ENPP6: variants seen among roughly 807,000 people sequenced by gnomAD.
ENPP6 encodes the protein glycerophosphocholine cholinephosphodiesterase ENPP6.
Under a neutral mutation model 42.0 loss-of-function variants are expected in ENPP6, and 32 were observed. The ratio of observed to expected loss-of-function variants is 0.76; its 90% CI spans 0.58 to 1.02. The LOEUF (loss-of-function observed/expected upper bound fraction) is 1.02, where lower values mean the gene tolerates loss of function less well. ENPP6 is among the 50% of genes least tolerant of loss of function. The pLI is 0.00. For missense variants in ENPP6, 552 were observed against 566.8 expected, an observed-to-expected ratio of 0.97 and a Z score of 0.27; for synonymous variants, 213 against 216.0, an observed-to-expected ratio of 0.99 and a Z score of 0.12.
chr4:184,125,684 T>A (rs543954117), intron 2 of ENPP6, among the ~76,000 whole-genome samples: 1 of 152,218 alleles, frequency 6.6e-6, no homozygotes, highest in African/African-American at 2.4e-5. Flanking sequence ...GCTTGATATG[T>A]TGGATTCAGG....
At chr4:184,117,218 T>C (rs1413890696) in intron 4 of ENPP6, among the ~76,000 whole-genome samples, 183 bp from the exon 5 acceptor site, 3 of 152,222 alleles carry the variant, frequency 2.0e-5, no homozygotes, top group Non-Finnish European at 4.4e-5. Flanking sequence ...CGGAGGGGAC[T>C]GTGAGGCTCA....
chr4:184,118,221 A>C (rs1185783635), intron 3 of ENPP6, among the ~76,000 whole-genome samples: 3 of 152,174 alleles, frequency 2.0e-5, no homozygotes, highest in Non-Finnish European at 4.4e-5. Flanking sequence ...CACATTTAGC[A>C]TTTCAGATGT....
chr4:184,092,875 T>C (rs1250316882), intron 7 of ENPP6, among the ~76,000 whole-genome samples: 1 of 152,192 alleles, frequency 6.6e-6, no homozygotes, highest in Admixed American at 6.5e-5. Flanking sequence ...CCTAAATACT[T>C]TAGTTAAAAA....
Position 184,097,358 on chromosome 4 carries a change from A to G in ENPP6, c.1004T>C (p.Met335Thr), listed in dbSNP as rs748984566. Residue 335 changes from methionine to threonine, a missense_variant, in exon 7 of 8, where the codon ATG (methionine) becomes ACG (threonine). By Grantham distance (81) the Met-to-Thr change is moderately conservative. Coordinates refer to ENST00000296741, the MANE Select transcript of ENPP6 (RefSeq NM_153343.4). Reference sequence around the variant, plus strand: ...GGTGCTGTTCATCCAAAACGGAAGCATCTCTCGATTCTGAAACCAAGCAAG... The same window carrying G: ...GGTGCTGTTCATCCAAAACGGAAGCGTCTCTCGATTCTGAAACCAAGCAAG... Reference protein sequence around the residue: ...EGWFITENREMLPFWMNSTGR... With the variant: ...EGWFITENRETLPFWMNSTGR... 2 of 1,614,184 alleles carry G rather than the reference A, an allele frequency of 1.2e-6. No homozygotes were observed. The highest frequency in any genetic ancestry group is 2.2e-5 in the East Asian group (1 of 44,882).
At chr4:184,198,119 T>C (rs539993830) in intron 1 of ENPP6, among the ~76,000 whole-genome samples, 1 of 152,194 alleles carries the variant, frequency 6.6e-6, no homozygotes, top group Non-Finnish European at 1.5e-5. Flanking sequence ...GGCAGTTTGT[T>C]AGAAAAGAGT....
At chr4:184,135,679 C>G (rs946768028) in intron 2 of ENPP6, among the ~76,000 whole-genome samples, 1 of 110,708 alleles carries the variant, frequency 9.0e-6, no homozygotes, top group African/African-American at 3.2e-5. Flanking sequence ...AACATAGGTG[C>G]AAAAAAGTGA....
chr4:184,103,373 A>G (rs1419411232), intron 6 of ENPP6, among the ~76,000 whole-genome samples: 2 of 152,264 alleles, frequency 1.3e-5, no homozygotes, highest in African/African-American at 4.8e-5. Flanking sequence ...AAATCTGGTC[A>G]GATTAAAATA....
chr4:184,198,532 A>T (rs533656095), intron 1 of ENPP6, among the ~76,000 whole-genome samples: 14 of 152,334 alleles, frequency 9.2e-5, no homozygotes, highest in African/African-American at 2.9e-4. Context: ...AAAAACCTCA[A>T]GCTTGGGTGT....
intron 2 of ENPP6, among the ~76,000 whole-genome samples, chr4:184,152,028 C>A (rs1190189904): frequency 6.6e-6 from 1 of 152,208 alleles, no homozygotes; most frequent in East Asian, 1.9e-4. Flanking sequence ...AAATTGTGAT[C>A]AACCCCCCTG....
At chr4:184,116,037 A>T (rs1401917795) in intron 5 of ENPP6, among the ~76,000 whole-genome samples, 5 of 151,940 alleles carry the variant, frequency 3.3e-5, no homozygotes, top group African/African-American at 1.2e-4. Context: ...AACATGGTGA[A>T]ACCCCGTCTC....
intron 1 of ENPP6, among the ~76,000 whole-genome samples, chr4:184,166,902 G>A (rs1737358506): frequency 6.6e-6 from 1 of 152,200 alleles, no homozygotes; most frequent in African/African-American, 2.4e-5. Flanking sequence ...CTAGTAGGTG[G>A]CTACTTTGGC....
chr4:184,133,969 T>C (rs954538309), intron 2 of ENPP6, among the ~76,000 whole-genome samples: 1 of 151,954 alleles, frequency 6.6e-6, no homozygotes, highest in Non-Finnish European at 1.5e-5. Flanking sequence ...CCCAATTGGT[T>C]GGCATATATT....
chr4:184,162,931 A>G (rs1737290748), intron 1 of ENPP6, among the ~76,000 whole-genome samples: 1 of 151,922 alleles, frequency 6.6e-6, no homozygotes, highest in Admixed American at 6.6e-5. Flanking sequence ...TGCCATTACC[A>G]CCCACCCACT....
chr4:184,196,829 C>T (rs1174002208), intron 1 of ENPP6, among the ~76,000 whole-genome samples: 5 of 152,114 alleles, frequency 3.3e-5, no homozygotes, highest in South Asian at 4.1e-4. Flanking sequence ...TCCCAACAGG[C>T]GTCTCACAAC....
At chr4:184,168,158 C>T (rs564785522) in intron 1 of ENPP6, among the ~76,000 whole-genome samples, 6 of 152,228 alleles carry the variant, frequency 3.9e-5, no homozygotes, top group East Asian at 3.9e-4. Context: ...CCACCTCACA[C>T]GACTCATTCC....
At chr4:184,129,778 A>G (rs1736564417) in intron 2 of ENPP6, among the ~76,000 whole-genome samples, 1 of 152,256 alleles carries the variant, frequency 6.6e-6, no homozygotes, top group Non-Finnish European at 1.5e-5. Flanking sequence ...ATTTAGTGGC[A>G]TAATATTTTG....
chr4:184,131,206 T>C (rs1258685325), intron 2 of ENPP6, among the ~76,000 whole-genome samples: 1 of 98,906 alleles, frequency 1.0e-5, no homozygotes, highest in South Asian at 3.5e-4. Flanking sequence ...TCTTTCTTCT[T>C]TCTTTCTTTC....
chr4:184,156,911 C>A (rs1365057560), intron 1 of ENPP6, among the ~76,000 whole-genome samples: 1 of 152,244 alleles, frequency 6.6e-6, no homozygotes, highest in Non-Finnish European at 1.5e-5. Context: ...AAATGGCTGG[C>A]CTTCACATCT....
rs577142635 is a variant in ENPP6 at position 184,184,891 on chromosome 4, C to T, written c.242-31158G>A. On this transcript the variant is annotated intron_variant, in intron 1 of 7. Transcript: ENST00000296741. This position sits in a 1 kb window ranked among gnomAD's most constrained non-coding sequence, Gnocchi z 4.7. ...GATTCCTGTTGTCTGAGCCACCCAG[C>T]GTGTGGAGTGTGTGACAGCAGCCCT... 6.1e-4 allele frequency among the ~76,000 whole-genome samples: 92 copies of T among 151,994 alleles called. 3 individuals are homozygous for T. In the South Asian group the frequency reaches 0.015, roughly 25 times the overall value.
Sources: gnomAD v4.1 joint callset for allele counts (sites outside exome capture counted in the v4.1 genomes callset) on GRCh38, gnomAD v4.1.1 for gene constraint, Gnocchi (gnomAD v3.1) non-coding constraint, MANE v1.5 for transcripts, NCBI Gene and HGNC (gene_info 2026-07-23, HGNC 2026-07-21) for gene names.